Variants in QSER1 observed in about 807,000 individuals in gnomAD.
The protein encoded by QSER1 is glutamine and serine rich 1.
Under a neutral mutation model 158.5 loss-of-function variants are expected in QSER1, and 49 were observed. The ratio of observed to expected loss-of-function variants is 0.31; its 90% CI spans 0.25 to 0.39. The LOEUF is 0.39. Ranked by LOEUF, QSER1 falls within the 10% of genes least tolerant of loss-of-function variation. The pLI is 1.00. For synonymous variants in QSER1, 650 were observed against 715.5 expected (o/e 0.91, Z 1.46); for missense variants, 1,754 against 2,010.3 (o/e 0.87, Z 2.44).
chr11:32,898,494 A>G, intron 1 of QSER1, among the ~76,000 whole-genome samples: 1 of 122,214 alleles, frequency 8.2e-6, no homozygotes, highest in Admixed American at 7.4e-5. Flanking sequence ...ACACACACAC[A>G]CACACACACA....
intron 10 of QSER1, among the ~76,000 whole-genome samples, chr11:32,972,062 CA>C (rs60529699): frequency 0.16 from 17,300 of 110,634 alleles, 1,148 homozygotes; most frequent in Middle Eastern, 0.23. Context: ...GACTCCATCT[CA>C]AAAAAAAAAA....
At chr11:32,957,356 G>A (rs1184428369) in intron 7 of QSER1, among the ~76,000 whole-genome samples, 1 of 151,564 alleles carries the variant, frequency 6.6e-6, no homozygotes, top group Non-Finnish European at 1.5e-5. Context: ...GGCCAGGCTG[G>A]TCTTGAACTC....
intron 4 of QSER1, among the ~76,000 whole-genome samples, chr11:32,942,943 C>T (rs1852265535): frequency 6.6e-6 from 1 of 152,120 alleles, no homozygotes; most frequent in African/African-American, 2.4e-5. Context: ...TGAAGAGGTC[C>T]TTGACATCCC....
chr11:32,907,084 G>A (rs1851704176), intron 1 of QSER1, among the ~76,000 whole-genome samples: 2 of 152,136 alleles, frequency 1.3e-5, no homozygotes, highest in South Asian at 4.1e-4. Context: ...CGTTACAACA[G>A]GATAAAATAC....
rs759087802 is a variant in QSER1, at chr11:32,973,538, A to G, written c.5347A>G (p.Lys1783Glu). 2.5e-6 allele frequency: 4 copies of G among 1,606,474 alleles called. No individual in the cohort carries two copies. The African/African-American group carries it at 5.4e-5, about 22-fold the overall frequency. Reference protein sequence around the residue: ...KTLRTSKTTTKSAQEFAVDPE... With the variant: ...KTLRTSKTTTESAQEFAVDPE... The stretch of plus-strand genomic sequence containing the variant: ...TCTAAGGACTTCTAAAACAACCACC[A>G]AATCTGCACAAGTAAGTGTAATTGA... The change falls in exon 11 of 13, where the codon AAA (lysine) becomes GAA (glutamate). Residue 1783 changes from lysine (K) to glutamate (E), a missense_variant. Around this residue, in one of 2 missense-constraint regions of QSER1, gnomAD observed 1,707 missense variants for 1,919.6 expected, o/e 0.89. Transcript: ENST00000650167.
intron 1 of QSER1, among the ~76,000 whole-genome samples, chr11:32,914,669 G>GT (rs958697745): frequency 1.3e-5 from 2 of 152,142 alleles, no homozygotes; most frequent in African/African-American, 4.8e-5. Flanking sequence ...TACCCAAGGA[G>GT]TAGGTTTATA....
chr11:32,912,658 C>G (rs1015801131), intron 1 of QSER1, among the ~76,000 whole-genome samples: 1 of 152,064 alleles, frequency 6.6e-6, no homozygotes, highest in African/African-American at 2.4e-5. Context: ...CCTTTAATCC[C>G]AGCACATTAG....
chr11:32,966,700 CATAA>C (rs1024381503), intron 9 of QSER1, among the ~76,000 whole-genome samples: 10 of 152,260 alleles, frequency 6.6e-5, no homozygotes, highest in South Asian at 2.1e-4. Context: ...TAATCATCCT[CATAA>C]ATAGTTTACT....
chr11:32,954,017 C>T lies in QSER1; in HGVS notation c.4338C>T (p.Pro1446=). 6.2e-7 allele frequency: 1 copy of T among 1,614,054 alleles called. No individual in the cohort carries two copies. The highest frequency in any genetic ancestry group is 8.5e-7 in the Non-Finnish European group (1 of 1,180,002). The change falls in exon 5 of 13, where the codon CCC becomes CCT. Residue 1446 remains proline (P), a synonymous_variant. Coordinates refer to ENST00000650167, the MANE Select transcript of QSER1 (RefSeq NM_001076786.3). The part of the protein sequence containing the change: ...ENISSSESSK[P]IELDGLPSDQ... ...TAAGCTCTTCAGAATCCTCAAAGCC[C>T]ATTGAACTTGATGGTCTTCCTTCAG... is the stretch of plus-strand genomic sequence containing the variant.
In QSER1 at chr11:32,966,397, C is replaced by T. The variant is rs575696422; in HGVS notation, c.5067C>T (p.Ala1689=). Residue 1689 remains alanine (A), a synonymous_variant, in exon 9 of 13, where the codon GCC becomes GCT. Coordinates refer to ENST00000650167, the MANE Select transcript of QSER1 (RefSeq NM_001076786.3). ...KSYMELLVSI[A]LDPDTMQALE... ...ACATGGAATTGCTTGTTAGCATTGC[C>T]TTGGACCCTGACACAATGCAAGCCT... 361 of 1,613,946 alleles carry T rather than the reference C, an allele frequency of 2.2e-4. 1 individual carries two copies. The South Asian group carries it at 3.7e-3, about 17-fold the overall frequency.
intron 8 of QSER1, among the ~76,000 whole-genome samples, chr11:32,960,140 G>C (rs1852595714): frequency 6.6e-6 from 1 of 152,164 alleles, no homozygotes; most frequent in Non-Finnish European, 1.5e-5. Context: ...CTACTTGGGA[G>C]GCTCAGGAGA....
chr11:32,929,962 C>T (rs1003013322), intron 3 of QSER1, among the ~76,000 whole-genome samples: 10 of 152,196 alleles, frequency 6.6e-5, no homozygotes, highest in Non-Finnish European at 1.5e-4. Flanking sequence ...CTTCCTCATT[C>T]TAGGCATAAC....
At chr11:32,946,307 G>A (rs1427789834) in intron 4 of QSER1, among the ~76,000 whole-genome samples, 1 of 152,208 alleles carries the variant, frequency 6.6e-6, no homozygotes, top group Non-Finnish European at 1.5e-5. Flanking sequence ...GAGGAGGAGA[G>A]ACGCTCTGAT....
chr11:32,909,177 T>C (rs1479709995), intron 1 of QSER1, among the ~76,000 whole-genome samples: 2 of 152,082 alleles, frequency 1.3e-5, no homozygotes, highest in Admixed American at 6.6e-5. Context: ...AAAAGAAATA[T>C]ATGGATGTTC....
At chr11:32,922,210 G>A (rs1851907606) in intron 1 of QSER1, among the ~76,000 whole-genome samples, 2 of 152,040 alleles carry the variant, frequency 1.3e-5, no homozygotes, top group Admixed American at 6.5e-5. Context: ...ACCACCAAAA[G>A]TACAATAGAT....
chr11:32,941,719 T>A (rs1852240601), intron 4 of QSER1, among the ~76,000 whole-genome samples: 1 of 152,188 alleles, frequency 6.6e-6, no homozygotes, highest in Non-Finnish European at 1.5e-5. Flanking sequence ...TATAGCAGCA[T>A]GATTTATAGC....
At position 32,893,007 on chromosome 11, in the gene QSER1, GCTCCC is replaced by G. The variant is rs1452069985; in HGVS notation, c.-118_-114del. ...CTCGCCGGGGCCATGTGAGGGGGCAGCTCCCTCCACCGCCGCCGCCCCCTCTTCCT... is the reference window on the plus strand; with the variant it reads ...CTCGCCGGGGCCATGTGAGGGGGCAGTCCACCGCCGCCGCCCCCTCTTCCT... On this transcript the variant is annotated 5_prime_UTR_variant, in exon 1 of 13. Transcript: ENST00000650167. This position sits in a 1 kb window ranked among gnomAD's most constrained non-coding sequence, Gnocchi z 4.7. Among the ~76,000 whole-genome samples, 2 of 147,796 alleles carry G rather than the reference GCTCCC, an allele frequency of 1.4e-5. No individual in the cohort carries two copies. The highest frequency in any genetic ancestry group is 3.0e-5 in the Non-Finnish European group (2 of 66,324).
In QSER1 at chr11:32,901,295, ATGTC is replaced by A. The variant is rs571154358; in HGVS notation, c.209+7964_209+7967del. On this transcript the variant is annotated intron_variant, in intron 1 of 12. Transcript: ENST00000650167. Reference sequence around the variant, plus strand: ...AACTTTATTGTCAGCACTGAGAAAAATGTCTGATGCATTGTGCCATTAAACATTC... The same window carrying A: ...AACTTTATTGTCAGCACTGAGAAAAATGATGCATTGTGCCATTAAACATTC... Among the ~76,000 whole-genome samples the A allele has an allele frequency of 6.4e-3, 971 of 152,340 alleles. 9 individuals carry two copies. The highest frequency in any genetic ancestry group is 0.022 in the African/African-American group (934 of 41,580).
intron 4 of QSER1, among the ~76,000 whole-genome samples, chr11:32,944,722 G>A (rs1852299778): frequency 7.7e-6 from 1 of 130,310 alleles, no homozygotes; most frequent in Admixed American, 7.9e-5. Context: ...GTTGATTTGG[G>A]GTGGAGAGTT....
Sources: gnomAD v4.1 joint callset for allele counts (sites outside exome capture counted in the v4.1 genomes callset) on GRCh38, gnomAD v4.1.1 for gene constraint, gnomAD v4.1.1 regional missense constraint, Gnocchi (gnomAD v3.1) non-coding constraint, MANE v1.5 for transcripts, NCBI Gene and HGNC (gene_info 2026-07-23, HGNC 2026-07-21) for gene names.